INPP1: variants seen among roughly 807,000 people sequenced by gnomAD.
The protein encoded by INPP1 is inositol polyphosphate-1-phosphatase, also known as inositol polyphosphate 1-phosphatase.
A neutral mutation model predicts 23.0 loss-of-function variants in INPP1; 18 were observed. The ratio of observed to expected loss-of-function variants is 0.78; its 90% confidence interval spans 0.54 to 1.16. The LOEUF is 1.16. INPP1 is among the 50% of genes most tolerant of loss of function. The pLI, the probability that INPP1 is intolerant of heterozygous loss-of-function variation, is 0.00. For synonymous variants in INPP1, 164 were observed against 176.3 expected (o/e 0.93, Z 0.55); for missense variants, 448 against 482.1 (o/e 0.93, Z 0.66).
At chr2:190,344,534 T>C (rs1405908319) in intron 1 of INPP1, among the ~76,000 whole-genome samples, 1 of 152,222 alleles carries the variant, frequency 6.6e-6, no homozygotes, top group Non-Finnish European at 1.5e-5. Context: ...TTTACTTCCT[T>C]GCTGTTAATT....
In INPP1 at chr2:190,363,750, A is replaced by G. The variant is rs1320660488; in HGVS notation, c.265+1063A>G. ...TAAAAATAACACTTATGCCTGACTT[A>G]TAAGCAATCTTACATTTAAAAATCT... On this transcript the variant is annotated intron_variant, in intron 4 of 6. Transcript: ENST00000392329. The surrounding 1 kb of genome is among the most constrained non-coding windows in gnomAD (Gnocchi z 4.4). 6.6e-6 allele frequency among the ~76,000 whole-genome samples: 1 copy of G among 152,236 alleles called. No individual in the cohort carries two copies. The highest frequency in any genetic ancestry group is 6.5e-5 in the Admixed American group (1 of 15,288).
chr2:190,364,555 A>T (rs62182029), intron 4 of INPP1, among the ~76,000 whole-genome samples: 86,805 of 135,566 alleles, frequency 0.64, 27,932 homozygotes, highest in East Asian at 0.77. Context: ...AAAAAAAAAA[A>T]TTTCAGTAGG....
rs978206414 is a variant in INPP1 at position 190,346,315 on chromosome 2, G to T, written c.-209+2354G>T. ...ATGACTATTGTTGGAATGAATAGTT[G>T]ATAAAACTTATTAGGACTCCTGTAC... On this transcript the variant is annotated intron_variant, in intron 1 of 6. Transcript: ENST00000392329. This position sits in a 1 kb window ranked among gnomAD's most constrained non-coding sequence, Gnocchi z 5.1. Among the ~76,000 whole-genome samples the T allele has an allele frequency of 2.6e-5, 4 of 152,176 alleles. No homozygotes were observed. Among genetic ancestry groups the T allele is most frequent in the African/African-American group, 4.8e-5 (2 of 41,438 alleles).
At position 190,353,502 on chromosome 2, in the gene INPP1, A is replaced by G. The variant is rs182016676; in HGVS notation, c.-65+4471A>G. ...ACCTCTTACTTTCTCAAGTTAAGAC[A>G]TGTGACTGTGGTTTCTGTGAGGTTG... On this transcript the variant is annotated intron_variant, in intron 2 of 6. Coordinates refer to ENST00000392329, the MANE Select transcript of INPP1 (RefSeq NM_001128928.2). Among the ~76,000 whole-genome samples the G allele has an allele frequency of 1.0e-4, 16 of 152,388 alleles. No individual in the cohort carries two copies. In the East Asian group the frequency reaches 1.2e-3, roughly 11 times the overall value.
At position 190,371,284 on chromosome 2, in the gene INPP1, C is replaced by T. The variant is rs1575795120; in HGVS notation, c.1082C>T (p.Ala361Val). ...TACCACGTGGAAAATGAGGGTGCTGCTGGGGTGGATCGGTGGGCCAACAAG... is the reference window on the plus strand; with the variant it reads ...TACCACGTGGAAAATGAGGGTGCTGTTGGGGTGGATCGGTGGGCCAACAAG... ...LVYHVENEGA[A>V]GVDRWANKGG... The change falls in exon 7 of 7, where the codon GCT (alanine) becomes GTT (valine). Residue 361 changes from alanine to valine, a missense_variant. Transcript: ENST00000392329. The surrounding 1 kb of genome is among the most constrained non-coding windows in gnomAD (Gnocchi z 5.3). 1.2e-6 allele frequency: 2 copies of T among 1,611,106 alleles called. No homozygotes were observed. Among genetic ancestry groups the T allele is most frequent in the Non-Finnish European group, 1.7e-6 (2 of 1,178,076 alleles).
rs1254806912 is a variant in INPP1, at chr2:190,368,569, T to C, written c.467-534T>C. On this transcript the variant is annotated intron_variant, in intron 5 of 6. Coordinates refer to ENST00000392329, the MANE Select transcript of INPP1 (RefSeq NM_001128928.2). The surrounding 1 kb of genome is among the most constrained non-coding windows in gnomAD (Gnocchi z 4.3). ...AGGCACACAATGTGAGATAAGCACATCATAGAGAATGGGGTATCCATCCCT... is the reference window on the plus strand; with the variant it reads ...AGGCACACAATGTGAGATAAGCACACCATAGAGAATGGGGTATCCATCCCT... 1 of 152,206 alleles carries C rather than the reference T, an allele frequency of 6.6e-6. No homozygotes were observed. Among genetic ancestry groups the C allele is most frequent in the Admixed American group, 6.5e-5 (1 of 15,276 alleles). The allele number at this position is 152,206 out of a possible 1,614,324, so 9.4% of individuals were successfully genotyped here.
chr2:190,371,483 G>T lies in INPP1; in HGVS notation c.*81G>T. ...ATCTCTGTCTTTTGAGGATGGCTTT[G>T]TCCTGTTGCTGGTTAACATTCACCT... On this transcript the variant is annotated 3_prime_UTR_variant, in exon 7 of 7. Coordinates refer to ENST00000392329, the MANE Select transcript of INPP1 (RefSeq NM_001128928.2). This position sits in a 1 kb window ranked among gnomAD's most constrained non-coding sequence, Gnocchi z 5.3. 2 of 1,099,246 alleles carry T rather than the reference G, an allele frequency of 1.8e-6. No homozygotes were observed. The highest frequency in any genetic ancestry group is 2.5e-6 in the Non-Finnish European group (2 of 793,442). 68.1% of individuals were successfully genotyped at this position (1,099,246 alleles called of 1,614,324 possible).
intron 2 of INPP1, among the ~76,000 whole-genome samples, chr2:190,353,563 A>G (rs1269406753): frequency 6.6e-6 from 1 of 152,232 alleles, no homozygotes; most frequent in Non-Finnish European, 1.5e-5. Context: ...ATTATCTGCC[A>G]TGTGTAAAGC....
Position 190,367,987 on chromosome 2 carries a change from C to T in INPP1, c.466+1092C>T, listed in dbSNP as rs1689715965. ...TGGGACCATTCAAGGACCAGGCAAA[C>T]TCCTCTCTGGGCCCTTCCCATCCTA... On this transcript the variant is annotated intron_variant, in intron 5 of 6. Coordinates refer to ENST00000392329, the MANE Select transcript of INPP1 (RefSeq NM_001128928.2). The surrounding 1 kb of genome is among the most constrained non-coding windows in gnomAD (Gnocchi z 4.1). Among the ~76,000 whole-genome samples, 3 of 152,154 alleles carry T rather than the reference C, an allele frequency of 2.0e-5. No homozygotes were observed. Among genetic ancestry groups the T allele is most frequent in the African/African-American group, 4.8e-5 (2 of 41,450 alleles).
At chr2:190,348,138 A>AAAAACAAAAC (rs562810000) in intron 1 of INPP1, among the ~76,000 whole-genome samples, 9 of 152,286 alleles carry the variant, frequency 5.9e-5, no homozygotes, top group Admixed American at 2.0e-4. Context: ...ACTCTGTCTC[A>AAAAACAAAAC]AAAACAAAAC....
rs62180960 is a variant in INPP1 at position 190,368,974 on chromosome 2, A to G, written c.467-129A>G. The G allele has an allele frequency of 3.1e-3, 1,598 of 514,966 alleles. 4 individuals carry two copies. The highest frequency in any genetic ancestry group is 3.7e-3 in the Non-Finnish European group (1,096 of 297,626). The allele number at this position is 514,966 out of a possible 1,614,324, so 31.9% of individuals were successfully genotyped here. On this transcript the variant is annotated intron_variant, in intron 5 of 6. Transcript: ENST00000392329. The surrounding 1 kb of genome is among the most constrained non-coding windows in gnomAD (Gnocchi z 4.3). ...GTAAAGTACAAGAGGCCAAATAACA[A>G]TTCAATACAGTGACATCCAAAGGTA... is the stretch of plus-strand genomic sequence containing the variant.
intron 1 of INPP1, 72 bp downstream of exon 1, chr2:190,344,033 G>T (rs1689167816): frequency 9.0e-6 from 3 of 334,010 alleles, no homozygotes; most frequent in Non-Finnish European, 1.9e-5. Flanking sequence ...TTGGATCTGG[G>T]GCCCGGGCTG....
chr2:190,365,435 A>C (rs527533770), intron 4 of INPP1, among the ~76,000 whole-genome samples: 1 of 152,262 alleles, frequency 6.6e-6, no homozygotes, highest in East Asian at 1.9e-4. Flanking sequence ...CATTCTTTTC[A>C]ATAACATATT....
rs1209846110 is a variant in INPP1, at chr2:190,345,021, T to G, written c.-209+1060T>G. The stretch of plus-strand genomic sequence containing the variant: ...TGATTGGTGAATTAGCTAAGTGATC[T>G]CATTCTTACCTTTTAAAATAGAGAA... On this transcript the variant is annotated intron_variant, in intron 1 of 6. Transcript: ENST00000392329. This position sits in a 1 kb window ranked among gnomAD's most constrained non-coding sequence, Gnocchi z 4.9. 1.3e-5 allele frequency among the ~76,000 whole-genome samples: 2 copies of G among 152,246 alleles called. No homozygotes were observed. Among genetic ancestry groups the G allele is most frequent in the African/African-American group, 4.8e-5 (2 of 41,454 alleles).
intron 3 of INPP1, 62 bp downstream of exon 3, chr2:190,360,368 A>T: frequency 6.9e-7 from 1 of 1,449,622 alleles, no homozygotes; most frequent in South Asian, 1.2e-5. Context: ...TCTCCATCAT[A>T]GAATAGCATG....
At chr2:190,353,277 T>C (rs1266234018) in intron 2 of INPP1, among the ~76,000 whole-genome samples, 3 of 152,176 alleles carry the variant, frequency 2.0e-5, no homozygotes, top group Non-Finnish European at 4.4e-5. Flanking sequence ...ATAGACTGTC[T>C]ACCATGAAGC....
intron 2 of INPP1, among the ~76,000 whole-genome samples, chr2:190,350,816 G>A (rs73981068): frequency 0.013 from 2,046 of 152,266 alleles, 58 homozygotes; most frequent in African/African-American, 0.045. Context: ...TATTTTGAGT[G>A]ATTTAATTAA....
chr2:190,365,879 GTC>G (rs1435027531), intron 4 of INPP1, among the ~76,000 whole-genome samples: 1 of 132,062 alleles, frequency 7.6e-6, no homozygotes, highest in Non-Finnish European at 1.6e-5. Flanking sequence ...CTCTTGCTCT[GTC>G]TCTCTCTGTG....
rs1396176949 is a variant in INPP1, at chr2:190,352,620, C to G, written c.-65+3589C>G. 6.6e-6 allele frequency among the ~76,000 whole-genome samples: 1 copy of G among 152,196 alleles called. No individual in the cohort carries two copies. The highest frequency in any genetic ancestry group is 1.5e-5 in the Non-Finnish European group (1 of 68,044). On this transcript the variant is annotated intron_variant, in intron 2 of 6. Transcript: ENST00000392329. This position sits in a 1 kb window ranked among gnomAD's most constrained non-coding sequence, Gnocchi z 4.7. ...TGGGCCCACTTCCATTCCCCTGTCCCTTCTGCACAAACAACCTCCAATCTT... is the reference window on the plus strand; with the variant it reads ...TGGGCCCACTTCCATTCCCCTGTCCGTTCTGCACAAACAACCTCCAATCTT...
Sources: gnomAD v4.1 joint callset for allele counts (sites outside exome capture counted in the v4.1 genomes callset) on GRCh38, gnomAD v4.1.1 for gene constraint, Gnocchi (gnomAD v3.1) non-coding constraint, MANE v1.5 for transcripts, NCBI Gene and HGNC (gene_info 2026-07-23, HGNC 2026-07-21) for gene names.